Variants in PAPSS2 observed in about 807,000 individuals in gnomAD.
PAPSS2 encodes 3'-phosphoadenosine 5'-phosphosulfate synthase 2.
PAPSS2 carries 61 observed loss-of-function variants against 66.5 expected under a neutral mutation model. The observed-to-expected ratio is 0.92, with a 90% CI of 0.75 to 1.14. PAPSS2 has a LOEUF of 1.14. Ranked by LOEUF, PAPSS2 falls within the 50% of genes most tolerant of loss-of-function variation. The probability of loss-of-function intolerance (pLI) is 0.00; values close to 1 mark genes in which losing one functional copy is unlikely to be tolerated. For missense variants in PAPSS2, 708 were observed against 789.6 expected, an observed-to-expected ratio of 0.90 and a Z score of 1.24; for synonymous variants, 289 against 287.5, an observed-to-expected ratio of 1.01 and a Z score of -0.05.
chr10:87,670,465 A>G (rs1036605723), intron 1 of PAPSS2, among the ~76,000 whole-genome samples: 1 of 152,124 alleles, frequency 6.6e-6, no homozygotes, highest in Admixed American at 6.5e-5. Flanking sequence ...CTTCTAACAC[A>G]TAGGTAAGGG....
rs925458217 is a variant in PAPSS2 at position 87,747,310 on chromosome 10, A to G, written c.*1340A>G. The G allele has an allele frequency of 1.3e-5, 2 of 152,210 alleles. No individual in the cohort carries two copies. The highest frequency in any genetic ancestry group is 1.3e-4 in the Admixed American group (2 of 15,276). 9.4% of individuals were successfully genotyped at this position (152,210 alleles called of 1,614,324 possible). ...TTGTTGCCAAGGAATAAAGTGAAGA[A>G]ACAGCACCTTTTAATATATAGGTCT... On this transcript the variant is annotated 3_prime_UTR_variant, in exon 13 of 13. Transcript: ENST00000456849.
intron 1 of PAPSS2, among the ~76,000 whole-genome samples, chr10:87,677,982 G>A (rs1279313781): frequency 6.6e-6 from 1 of 152,054 alleles, no homozygotes; most frequent in Non-Finnish European, 1.5e-5. Flanking sequence ...GTTTGATGGA[G>A]CAAAGATTTA....
At chr10:87,729,924 A>T (rs1307753171) in intron 9 of PAPSS2, among the ~76,000 whole-genome samples, 1 of 152,120 alleles carries the variant, frequency 6.6e-6, no homozygotes, top group Non-Finnish European at 1.5e-5. Context: ...TGAACCCAGG[A>T]AGTGGAGGTT....
chr10:87,684,047 C>T (rs1853058256), intron 1 of PAPSS2, among the ~76,000 whole-genome samples: 1 of 152,200 alleles, frequency 6.6e-6, no homozygotes. Context: ...AGAGACGTGA[C>T]ATGTAGCCTG....
At chr10:87,699,864 G>A (rs1347137427) in intron 1 of PAPSS2, among the ~76,000 whole-genome samples, 1 of 150,230 alleles carries the variant, frequency 6.7e-6, no homozygotes, top group Non-Finnish European at 1.5e-5. Context: ...TTTTCTGGTT[G>A]AGAAATTCTT....
chr10:87,715,598 A>G, intron 6 of PAPSS2, 134 bp from the exon 7 acceptor site: 1 of 709,716 alleles, frequency 1.4e-6, no homozygotes. Flanking sequence ...TTAGCATAAC[A>G]GGTGGGGACA....
At chr10:87,713,362 T>G in intron 3 of PAPSS2, 52 bp downstream of exon 3, 5 of 1,013,600 alleles carry the variant, frequency 4.9e-6, no homozygotes, top group Non-Finnish European at 7.4e-6. Context: ...CCACACACAG[T>G]GCAAGTGCTC....
intron 6 of PAPSS2, 30 bp downstream of exon 6, chr10:87,715,128 A>G (rs748551338): frequency 5.5e-6 from 6 of 1,083,722 alleles, no homozygotes; most frequent in Non-Finnish European, 8.6e-6. Context: ...TCAAATAATT[A>G]GGCTTAATAT....
intron 1 of PAPSS2, among the ~76,000 whole-genome samples, chr10:87,689,782 T>C (rs984166780): frequency 6.7e-6 from 1 of 149,834 alleles, no homozygotes; most frequent in Admixed American, 6.6e-5. Flanking sequence ...GTAAAGAGTA[T>C]GAATGAGAGT....
chr10:87,726,336 A>G (rs1349132060), intron 8 of PAPSS2, among the ~76,000 whole-genome samples: 1 of 152,234 alleles, frequency 6.6e-6, no homozygotes, highest in Non-Finnish European at 1.5e-5. Flanking sequence ...AGGCTGAGGC[A>G]GGACAATAGC....
chr10:87,705,760 G>A (rs950419723), intron 1 of PAPSS2, among the ~76,000 whole-genome samples: 2 of 150,474 alleles, frequency 1.3e-5, no homozygotes, highest in African/African-American at 4.9e-5. Flanking sequence ...TTGAGATGGA[G>A]TCTCGCTCTG....
chr10:87,727,486 C>G lies in PAPSS2; in HGVS notation c.1083C>G (p.Ile361Met). The change falls in exon 9 of 13, where the codon ATC becomes ATG. Residue 361 changes from isoleucine (I) to methionine (M), a missense_variant. Physicochemically the swap from Ile to Met is conservative, Grantham distance 10. Transcript: ENST00000456849. ...WGTTCTKHPH[I>M]KMVMESGDWL... ...CAACATGTACAAAACACCCCCATATCAAAGTAAGTCACAAAACCTTTGGAA... is the reference window on the plus strand; with the variant it reads ...CAACATGTACAAAACACCCCCATATGAAAGTAAGTCACAAAACCTTTGGAA... The G allele has an allele frequency of 6.2e-7, 1 of 1,609,334 alleles. No individual in the cohort carries two copies. Among genetic ancestry groups the G allele is most frequent in the South Asian group, 1.1e-5 (1 of 90,514 alleles).
intron 9 of PAPSS2, among the ~76,000 whole-genome samples, chr10:87,729,262 T>C (rs1853699647): frequency 6.6e-6 from 1 of 151,932 alleles, no homozygotes; most frequent in Non-Finnish European, 1.5e-5. Context: ...AAATTGAAGG[T>C]TTGTGTCAAC....
intron 8 of PAPSS2, among the ~76,000 whole-genome samples, chr10:87,722,760 A>G (rs1853612459): frequency 6.6e-6 from 1 of 152,230 alleles, no homozygotes; most frequent in Non-Finnish European, 1.5e-5. Flanking sequence ...ATACGTTTAT[A>G]TATTAGAAAG....
chr10:87,682,678 G>A (rs1438347464), intron 1 of PAPSS2, among the ~76,000 whole-genome samples: 3 of 152,190 alleles, frequency 2.0e-5, no homozygotes, highest in African/African-American at 4.8e-5. Flanking sequence ...ATCAAATGAA[G>A]ATGCTGCTGA....
intron 9 of PAPSS2, among the ~76,000 whole-genome samples, chr10:87,739,625 T>A (rs1246008698): frequency 6.6e-6 from 1 of 152,214 alleles, no homozygotes; most frequent in East Asian, 1.9e-4. Context: ...CCCCAAGACC[T>A]TTCTAGAGAA....
At chr10:87,688,809 A>T (rs1006174078) in intron 1 of PAPSS2, among the ~76,000 whole-genome samples, 4 of 152,038 alleles carry the variant, frequency 2.6e-5, no homozygotes, top group African/African-American at 7.2e-5. Context: ...TCTTATTCAG[A>T]CTTCTTTGTA....
At chr10:87,679,533 ACCAC>A (rs1852990876) in intron 1 of PAPSS2, among the ~76,000 whole-genome samples, 2 of 152,184 alleles carry the variant, frequency 1.3e-5, no homozygotes, top group Non-Finnish European at 2.9e-5. Context: ...GTAACAAACT[ACCAC>A]ATGCACCCTG....
intron 1 of PAPSS2, among the ~76,000 whole-genome samples, chr10:87,688,767 A>C (rs761467376): frequency 6.6e-5 from 10 of 152,024 alleles, no homozygotes; most frequent in Non-Finnish European, 1.5e-4. Context: ...GAACTATGGA[A>C]ATTTCTAAGA....
Sources: gnomAD v4.1 joint callset for allele counts (sites outside exome capture counted in the v4.1 genomes callset) on GRCh38, gnomAD v4.1.1 for gene constraint, MANE v1.5 for transcripts, NCBI Gene and HGNC (gene_info 2026-07-23, HGNC 2026-07-21) for gene names.